Variants in SLC2A9 observed in about 807,000 individuals in gnomAD.
The protein encoded by SLC2A9 is solute carrier family 2 member 9.
A neutral mutation model predicts 50.6 loss-of-function variants in SLC2A9; 39 were observed. The ratio of observed to expected loss-of-function variants is 0.77; its 90% CI spans 0.60 to 1.01. The LOEUF (loss-of-function observed/expected upper bound fraction) is 1.01, where lower values mean the gene tolerates loss of function less well. Ranked by LOEUF, SLC2A9 falls within the 50% of genes least tolerant of loss-of-function variation. The pLI is 0.00. For synonymous variants in SLC2A9, 324 were observed against 276.9 expected (o/e 1.17, Z -1.69); for missense variants, 686 against 677.6 (o/e 1.01, Z -0.14).
intron 6 of SLC2A9, among the ~76,000 whole-genome samples, chr4:9,939,195 C>A (rs1158247955): frequency 1.3e-5 from 2 of 152,146 alleles, no homozygotes; most frequent in Non-Finnish European, 2.9e-5. Context: ...TTGAACAGAG[C>A]TAAGGCCAAC....
At chr4:9,785,004 T>C (rs1331633458) in intron 3 of SLC2A9, among the ~76,000 whole-genome samples, 2 of 152,188 alleles carry the variant, frequency 1.3e-5, no homozygotes, top group African/African-American at 4.8e-5. Flanking sequence ...GCAAATCCTA[T>C]TCAGTACATC....
Position 9,826,603 on chromosome 4 carries a change from G to T in SLC2A9, c.1420-3C>A. On this transcript the variant is annotated splice_polypyrimidine_tract_variant and splice_region_variant and intron_variant, in intron 11 of 11. Transcript: ENST00000264784. ...AAACAGTAGGTGTCCAGACTTTTCT[G>T]TGGAAAGGCAGAGACAAAAACCCTC... The T allele has an allele frequency of 6.2e-7, 1 of 1,613,752 alleles. No homozygotes were observed. Among genetic ancestry groups the T allele is most frequent in the Admixed American group, 1.7e-5 (1 of 60,004 alleles).
In SLC2A9 at chr4:9,959,863, C is replaced by T. The variant is rs74689511; in HGVS notation, c.682-17818G>A. ...CAGACTGTATCCTGGGCCTAAGAAA[C>T]GTGGATGTTCTGGCTTTCGGGGAGG... On this transcript the variant is annotated intron_variant, in intron 5 of 11. Transcript: ENST00000264784. Among the ~76,000 whole-genome samples, 531 of 152,256 alleles carry T rather than the reference C, an allele frequency of 3.5e-3. 4 individuals are homozygous for T. Among genetic ancestry groups the T allele is most frequent in the African/African-American group, 0.012 (482 of 41,552 alleles).
intron 10 of SLC2A9, among the ~76,000 whole-genome samples, chr4:9,859,536 A>T (rs182365532): frequency 7.2e-4 from 109 of 152,380 alleles, no homozygotes; most frequent in Non-Finnish European, 9.0e-4. Flanking sequence ...ACCAGCCATG[A>T]GGCCAAGTGA....
chr4:9,806,705 G>A (rs1490387503), intron 3 of SLC2A9, among the ~76,000 whole-genome samples: 2 of 152,176 alleles, frequency 1.3e-5, no homozygotes, highest in Non-Finnish European at 1.5e-5. Flanking sequence ...GGGGGTAGTT[G>A]GGGAGCACAA....
At chr4:9,956,461 C>T (rs1467827239) in intron 5 of SLC2A9, among the ~76,000 whole-genome samples, 1 of 151,848 alleles carries the variant, frequency 6.6e-6, no homozygotes, top group Non-Finnish European at 1.5e-5. Context: ...GCCTGGACAA[C>T]AGAGCAAGAC....
At chr4:9,790,746 G>A (rs1485459707) in intron 3 of SLC2A9, among the ~76,000 whole-genome samples, 1 of 152,088 alleles carries the variant, frequency 6.6e-6, no homozygotes, top group Non-Finnish European at 1.5e-5. Context: ...GAATTTCTAG[G>A]GAATAGGGCC....
chr4:10,001,475 C>T (rs1230805876), intron 2 of SLC2A9, among the ~76,000 whole-genome samples: 1 of 152,210 alleles, frequency 6.6e-6, no homozygotes, highest in Non-Finnish European at 1.5e-5. Context: ...TCTTGGACTT[C>T]TGACCTCTAG....
At chr4:9,943,672 C>T (rs4235346) in intron 5 of SLC2A9, among the ~76,000 whole-genome samples, 87,561 of 152,042 alleles carry the variant, frequency 0.58, 26,461 homozygotes, top group African/African-American at 0.77. Context: ...ATAGTTTGAT[C>T]AAAAAGAAAG....
intron 10 of SLC2A9, among the ~76,000 whole-genome samples, chr4:9,838,618 T>C (rs901635265): frequency 1.8e-4 from 28 of 152,120 alleles, no homozygotes; most frequent in Admixed American, 1.4e-3. Flanking sequence ...TACAGAATTA[T>C]AGTAACCAAA....
intron 8 of SLC2A9, among the ~76,000 whole-genome samples, chr4:9,891,378 A>G (rs1289678111): frequency 6.6e-6 from 1 of 152,212 alleles, no homozygotes; most frequent in African/African-American, 2.4e-5. Context: ...GCCGAATGTC[A>G]GAGACAGGAA....
chr4:9,974,732 C>T (rs374056063), intron 5 of SLC2A9, among the ~76,000 whole-genome samples: 1 of 151,970 alleles, frequency 6.6e-6, no homozygotes, highest in East Asian at 1.9e-4. Flanking sequence ...ATGTCATTTT[C>T]CACCAAACTA....
At chr4:9,815,666 G>A (rs116242274) in intron 3 of SLC2A9, among the ~76,000 whole-genome samples, 3,875 of 152,206 alleles carry the variant, frequency 0.025, 63 homozygotes, top group African/African-American at 0.041. Context: ...TTCCTATGAT[G>A]GACTAGAAAG....
At chr4:9,998,989 A>G (rs1019094208) in intron 2 of SLC2A9, among the ~76,000 whole-genome samples, 5 of 152,152 alleles carry the variant, frequency 3.3e-5, no homozygotes, top group African/African-American at 1.2e-4. Context: ...AAAACTACAA[A>G]GAAAGAATTA....
At chr4:9,870,667 A>G (rs984299863) in intron 10 of SLC2A9, among the ~76,000 whole-genome samples, 6 of 152,256 alleles carry the variant, frequency 3.9e-5, no homozygotes, top group African/African-American at 1.2e-4. Context: ...CGGGAAAGTG[A>G]TAAGTACTAA....
chr4:9,808,213 T>C lies in SLC2A9; in HGVS notation n.421-8972A>G, dbSNP rs77859955. 5.9e-3 allele frequency among the ~76,000 whole-genome samples: 905 copies of C among 152,258 alleles called. 31 individuals are homozygous for C. The East Asian group carries it at 0.081, about 14-fold the overall frequency. ...GCTGTGCACAAGCCCCCTTTTCCAC[T>C]GGCCAGGCCTCTTCTCAGAAAACTT... On this transcript the variant is annotated intron_variant and non_coding_transcript_variant, in intron 3 of 3. Coordinates refer to the SLC2A9 transcript ENST00000503280.
chr4:9,885,466 A>C (rs1460629414), intron 10 of SLC2A9, among the ~76,000 whole-genome samples: 2 of 152,202 alleles, frequency 1.3e-5, no homozygotes, highest in East Asian at 1.9e-4. Flanking sequence ...GGGATATTGC[A>C]GGAAAAGGGG....
At chr4:9,845,686 T>G (rs562675490) in intron 10 of SLC2A9, among the ~76,000 whole-genome samples, 292 of 150,222 alleles carry the variant, frequency 1.9e-3, no homozygotes, top group African/African-American at 6.8e-3. Flanking sequence ...CGCCTCGGCC[T>G]CCCAAAGTGC....
intron 1 of SLC2A9, among the ~76,000 whole-genome samples, chr4:10,030,826 C>T (rs771120657): frequency 6.6e-6 from 1 of 152,138 alleles, no homozygotes; most frequent in Non-Finnish European, 1.5e-5. Context: ...CCCACCAGGC[C>T]GCTTTGCATG....
Sources: gnomAD v4.1 joint callset for allele counts (sites outside exome capture counted in the v4.1 genomes callset) on GRCh38, gnomAD v4.1.1 for gene constraint, MANE v1.5 for transcripts, NCBI Gene and HGNC (gene_info 2026-07-23, HGNC 2026-07-21) for gene names.